Variants in KCNT2 observed in about 807,000 individuals in gnomAD.
The protein encoded by KCNT2 is potassium channel subfamily T member 2.
In KCNT2, 67 loss-of-function variants were observed where a neutral mutation model predicts 153.8. The ratio of observed to expected loss-of-function variants is 0.44; its 90% CI spans 0.36 to 0.53. The LOEUF (loss-of-function observed/expected upper bound fraction) is 0.53, where lower values mean the gene tolerates loss of function less well. KCNT2 is among the 20% of genes least tolerant of loss of function. The pLI is 0.00. For synonymous variants in KCNT2, 500 were observed against 458.8 expected (o/e 1.09, Z -1.15); for missense variants, 975 against 1,354.8 (o/e 0.72, Z 4.40).
intron 26 of KCNT2, among the ~76,000 whole-genome samples, chr1:196,243,013 T>C (rs1444423078): frequency 6.6e-6 from 1 of 152,198 alleles, no homozygotes; most frequent in Non-Finnish European, 1.5e-5. Flanking sequence ...ACCATAATTA[T>C]GATGTCAAAC....
At chr1:196,607,932 C>T (rs1447389661) in intron 1 of KCNT2, among the ~76,000 whole-genome samples, 1 of 152,080 alleles carries the variant, frequency 6.6e-6, no homozygotes, top group African/African-American at 2.4e-5. Flanking sequence ...TTATACACAT[C>T]CTAGAAAAGC....
Position 196,258,285 on chromosome 1 carries a change from T to A in KCNT2, c.3120A>T (p.Arg1040=). Residue 1040 remains arginine, a synonymous_variant, in exon 26 of 28, where the codon CGA becomes CGT. Transcript: ENST00000294725. ...TTTCTGACCTCCTGTAGAGGTTCAG[T>A]CGCTGCTGGGTTATTTTTTCAGCTG... ...GKTAEKITQQ[R]LNLYRRSERQ... is the part of the protein sequence containing the mutation. 6.2e-7 allele frequency: 1 copy of A among 1,614,122 alleles called. No homozygotes were observed.
At position 196,331,162 on chromosome 1, in the gene KCNT2, T is replaced by G. The variant is rs1394029990; in HGVS notation, c.2097A>C (p.Leu699Phe). The G allele has an allele frequency of 1.9e-6, 3 of 1,574,558 alleles. No individual in the cohort carries two copies. Among genetic ancestry groups the G allele is most frequent in the Admixed American group, 3.3e-5 (2 of 59,808 alleles). ...HEKVPFCCLRLDKSCQHNYYE... is the reference protein window; with the variant it reads ...HEKVPFCCLRFDKSCQHNYYE... ...AGCATCAACAAGTACTTACCTTGTC[T>G]AATCTTAAGCAGCAAAATGGTACTT... Residue 699 changes from leucine (L) to phenylalanine (F), a missense_variant, in exon 18 of 28, where the codon TTA (leucine) becomes TTC (phenylalanine). Transcript: ENST00000294725.
intron 1 of KCNT2, among the ~76,000 whole-genome samples, chr1:196,601,670 G>A (rs1302403360): frequency 3.3e-5 from 5 of 152,148 alleles, no homozygotes. Context: ...TTATGATGGT[G>A]TTTCACCAAT....
intron 21 of KCNT2, 34 bp downstream of exon 21, chr1:196,315,858 G>T (rs771540398): frequency 3.2e-6 from 5 of 1,569,078 alleles, no homozygotes; most frequent in Non-Finnish European, 4.3e-6. Flanking sequence ...TTAGCACAAA[G>T]TAAGTGGCAA....
intron 12 of KCNT2, among the ~76,000 whole-genome samples, chr1:196,418,682 C>T (rs1034085644): frequency 1.3e-5 from 2 of 152,064 alleles, no homozygotes; most frequent in African/African-American, 4.8e-5. Context: ...TTATTCTCCT[C>T]TTACAAGGAC....
At chr1:196,237,740 T>A (rs1438154794) in intron 26 of KCNT2, among the ~76,000 whole-genome samples, 1 of 151,858 alleles carries the variant, frequency 6.6e-6, no homozygotes, top group African/African-American at 2.4e-5. Flanking sequence ...CTGGGAATCA[T>A]GTATTTTTAT....
chr1:196,241,224 A>G (rs977821649), intron 26 of KCNT2, among the ~76,000 whole-genome samples: 1 of 151,558 alleles, frequency 6.6e-6, no homozygotes, highest in Non-Finnish European at 1.5e-5. Flanking sequence ...TTGTTAGTAC[A>G]AGAAATACCT....
chr1:196,593,671 CA>C lies in KCNT2; in HGVS notation c.95+14543del, dbSNP rs1663692173. ...ATCTCATGTACCCCAAAAATATATA[CA>C]CCTACCATGTACCCACAAAAATTAA... On this transcript the variant is annotated intron_variant, in intron 1 of 27. Transcript: ENST00000294725. 3.9e-5 allele frequency among the ~76,000 whole-genome samples: 6 copies of C among 151,974 alleles called. No homozygotes were observed. The South Asian group carries it at 1.2e-3, about 32-fold the overall frequency.
intron 1 of KCNT2, among the ~76,000 whole-genome samples, chr1:196,582,883 A>T (rs914591887): frequency 6.6e-6 from 1 of 151,986 alleles, no homozygotes; most frequent in African/African-American, 2.4e-5. Context: ...AGGATTATAA[A>T]ATATAATTAT....
intron 22 of KCNT2, among the ~76,000 whole-genome samples, chr1:196,293,670 A>G (rs961271680): frequency 6.6e-6 from 1 of 152,182 alleles, no homozygotes; most frequent in African/African-American, 2.4e-5. Flanking sequence ...CTCATGCTAT[A>G]TGCAAAAATC....
chr1:196,316,117 T>TAAA, intron 20 of KCNT2, 91 bp from the exon 21 acceptor site: 1 of 1,190,538 alleles, frequency 8.4e-7, no homozygotes, highest in Non-Finnish European at 1.2e-6. Flanking sequence ...CCTGTGCTTA[T>TAAA]ATAAGTTGCC....
At chr1:196,314,514 T>TTATAA (rs1300587422) in intron 21 of KCNT2, among the ~76,000 whole-genome samples, 2 of 151,854 alleles carry the variant, frequency 1.3e-5, no homozygotes, top group Admixed American at 6.6e-5. Context: ...AACTGCTGCA[T>TTATAA]TATAATAACT....
At chr1:196,530,719 G>A (rs1654825519) in intron 1 of KCNT2, among the ~76,000 whole-genome samples, 2 of 151,932 alleles carry the variant, frequency 1.3e-5, no homozygotes. Flanking sequence ...TAAATACAGT[G>A]CTAACAAAAT....
chr1:196,365,547 TA>T (rs1351159761), intron 14 of KCNT2, among the ~76,000 whole-genome samples: 1 of 152,184 alleles, frequency 6.6e-6, no homozygotes, highest in Non-Finnish European at 1.5e-5. Flanking sequence ...TGGCCATGGT[TA>T]AAAACATGTT....
chr1:196,418,958 A>ATGGTC (rs1200105518), intron 12 of KCNT2, among the ~76,000 whole-genome samples: 1 of 151,724 alleles, frequency 6.6e-6, no homozygotes, highest in Admixed American at 6.6e-5. Flanking sequence ...ACTCCTCACA[A>ATGGTC]TGGTCTGACT....
At chr1:196,360,943 A>G (rs1318277614) in intron 14 of KCNT2, among the ~76,000 whole-genome samples, 3 of 152,106 alleles carry the variant, frequency 2.0e-5, no homozygotes, top group Non-Finnish European at 4.4e-5. Context: ...GCAAGTATTA[A>G]CCATTATGTA....
At chr1:196,388,227 T>C (rs1476715841) in intron 13 of KCNT2, among the ~76,000 whole-genome samples, 2 of 151,766 alleles carry the variant, frequency 1.3e-5, no homozygotes, top group African/African-American at 4.8e-5. Context: ...TACAAGTTGA[T>C]CTACTTCTGG....
intron 14 of KCNT2, among the ~76,000 whole-genome samples, chr1:196,357,221 C>A (rs1001763788): frequency 1.3e-5 from 2 of 151,786 alleles, no homozygotes; most frequent in South Asian, 4.2e-4. Flanking sequence ...CATTATTATG[C>A]GGATTGCAAT....
Sources: gnomAD v4.1 joint callset for allele counts (sites outside exome capture counted in the v4.1 genomes callset) on GRCh38, gnomAD v4.1.1 for gene constraint, MANE v1.5 for transcripts, NCBI Gene and HGNC (gene_info 2026-07-23, HGNC 2026-07-21) for gene names.